Variants in WDFY2 observed in about 807,000 individuals in gnomAD.
WDFY2 encodes the protein WD repeat and FYVE domain-containing protein 2.
WDFY2 carries 36 observed loss-of-function variants against 56.4 expected under a neutral mutation model. The ratio of observed to expected loss-of-function variants is 0.64; its 90% CI spans 0.49 to 0.84. The LOEUF (loss-of-function observed/expected upper bound fraction) is 0.84. Ranked by LOEUF, WDFY2 falls within the 40% of genes least tolerant of loss-of-function variation. The pLI is 0.00. For synonymous variants in WDFY2, 176 were observed against 183.7 expected (o/e 0.96, Z 0.34); for missense variants, 444 against 512.2 (o/e 0.87, Z 1.29).
rs150082269 is a variant in WDFY2, at chr13:51,647,839, T to C, written c.138-12757T>C. 9.0e-3 allele frequency among the ~76,000 whole-genome samples: 1,364 copies of C among 152,148 alleles called. 20 individuals are homozygous for C. Among genetic ancestry groups the C allele is most frequent in the African/African-American group, 0.031 (1,303 of 41,476 alleles). Reference sequence around the variant, plus strand: ...GGTCCAATGTTGACTGAAACATTGTTATGCAGCCCATGACTATGTATGTGT... The same window carrying C: ...GGTCCAATGTTGACTGAAACATTGTCATGCAGCCCATGACTATGTATGTGT... On this transcript the variant is annotated intron_variant, in intron 1 of 11. Coordinates refer to ENST00000298125, the MANE Select transcript of WDFY2 (RefSeq NM_052950.4).
chr13:51,729,829 A>G (rs1952685100), intron 6 of WDFY2, among the ~76,000 whole-genome samples: 1 of 152,214 alleles, frequency 6.6e-6, no homozygotes, highest in Non-Finnish European at 1.5e-5. Context: ...TAAAATGTAT[A>G]AAACATAAAG....
At chr13:51,636,825 C>T (rs867429928) in intron 1 of WDFY2, among the ~76,000 whole-genome samples, 40 of 152,288 alleles carry the variant, frequency 2.6e-4, no homozygotes, top group Admixed American at 2.0e-4. Context: ...CAAAGGGCAA[C>T]GGCAACTCCG....
chr13:51,631,198 C>T (rs922971369), intron 1 of WDFY2, among the ~76,000 whole-genome samples: 8 of 151,288 alleles, frequency 5.3e-5, no homozygotes, highest in Non-Finnish European at 1.0e-4. Context: ...TCAAGACCAG[C>T]CTGGGCAAGA....
rs1415496271 is a variant in WDFY2, at chr13:51,653,019, C to T, written c.138-7577C>T. Among the ~76,000 whole-genome samples, 8 of 152,200 alleles carry T rather than the reference C, an allele frequency of 5.3e-5. No individual in the cohort carries two copies. The East Asian group carries it at 9.6e-4, about 18-fold the overall frequency. ...CAGTGTTTTCCAACTTGGTTCCATT[C>T]TCCCCGTCACTTTCAGGTACACCAA... On this transcript the variant is annotated intron_variant, in intron 1 of 11. Transcript: ENST00000298125.
At chr13:51,671,760 T>G (rs2138492224) in intron 2 of WDFY2, among the ~76,000 whole-genome samples, 1 of 151,472 alleles carries the variant, frequency 6.6e-6, no homozygotes, top group South Asian at 2.1e-4. Context: ...TATTTATCTT[T>G]GATTTGTTGC....
intron 3 of WDFY2, among the ~76,000 whole-genome samples, chr13:51,701,365 A>G (rs1951980621): frequency 6.6e-6 from 1 of 151,930 alleles, no homozygotes; most frequent in South Asian, 2.1e-4. Flanking sequence ...CACTAAAAAT[A>G]CAAAAATTAG....
chr13:51,660,608 T>G lies in WDFY2; in HGVS notation c.150T>G (p.Val50=), dbSNP rs764280795. The change falls in exon 2 of 12, where the codon GTT becomes GTG. Residue 50 remains valine (V), a synonymous_variant. Coordinates refer to ENST00000298125, the MANE Select transcript of WDFY2 (RefSeq NM_052950.4). ...ISVSEDRTVR[V]WLKRDSGQYW... Reference sequence around the variant, plus strand: ...TCTTCTGTTGTAGGACAGTTCGTGTTTGGTTAAAGAGAGACAGTGGACAGT... The same window carrying G: ...TCTTCTGTTGTAGGACAGTTCGTGTGTGGTTAAAGAGAGACAGTGGACAGT... The G allele has an allele frequency of 6.2e-7, 1 of 1,613,828 alleles. No individual in the cohort carries two copies. Among genetic ancestry groups the G allele is most frequent in the African/African-American group, 1.3e-5 (1 of 74,906 alleles).
rs9535755 is a variant in WDFY2 at position 51,765,007 on chromosome 13, C to T, written c.*5238C>T. On this transcript the variant is annotated 3_prime_UTR_variant, in exon 12 of 12. Transcript: ENST00000298125. ...CAGCTGCTGCCCTCCACTTCCTGCT[C>T]TTGCAAGTCACAGATGATTCCAGTA... The T allele has an allele frequency of 1.3e-5, 2 of 152,204 alleles. No homozygotes were observed. The highest frequency in any genetic ancestry group is 2.4e-5 in the African/African-American group (1 of 41,434). 9.4% of individuals were successfully genotyped at this position (152,204 alleles called of 1,614,324 possible).
intron 3 of WDFY2, among the ~76,000 whole-genome samples, chr13:51,697,458 C>G (rs550420583): frequency 1.3e-5 from 2 of 151,922 alleles, no homozygotes; most frequent in Non-Finnish European, 2.9e-5. Flanking sequence ...CGTGGTAAAA[C>G]GCCATCTCTA....
At chr13:51,726,214 A>C (rs1952601459) in intron 5 of WDFY2, among the ~76,000 whole-genome samples, 1 of 151,934 alleles carries the variant, frequency 6.6e-6, no homozygotes, top group Non-Finnish European at 1.5e-5. Flanking sequence ...ATAAACTCTC[A>C]TATGCGTTGG....
intron 7 of WDFY2, among the ~76,000 whole-genome samples, chr13:51,745,378 G>A (rs1347545450): frequency 2.0e-5 from 3 of 152,178 alleles, no homozygotes; most frequent in Non-Finnish European, 4.4e-5. Flanking sequence ...AAAATCCAAA[G>A]AGTAGACACA....
At chr13:51,708,161 C>T (rs953890073) in intron 4 of WDFY2, among the ~76,000 whole-genome samples, 33 of 151,368 alleles carry the variant, frequency 2.2e-4, no homozygotes, top group Admixed American at 1.1e-3. Flanking sequence ...GGATTACAGG[C>T]GTGAGCCACC....
intron 4 of WDFY2, among the ~76,000 whole-genome samples, chr13:51,707,911 A>G (rs562848749): frequency 1.3e-5 from 2 of 149,794 alleles, no homozygotes; most frequent in African/African-American, 4.9e-5. Context: ...TGGTAAGTTA[A>G]AGATATATAC....
chr13:51,641,818 T>A (rs1955169283), intron 1 of WDFY2, among the ~76,000 whole-genome samples: 2 of 94,346 alleles, frequency 2.1e-5, no homozygotes, highest in Non-Finnish European at 3.7e-5. Context: ...AGAGCGAGAC[T>A]CCGTCTCAAA....
At position 51,759,996 on chromosome 13, in the gene WDFY2, C is replaced by T; in HGVS notation, c.*227C>T. 1 of 494,268 alleles carries T rather than the reference C, an allele frequency of 2.0e-6. No homozygotes were observed. The highest frequency in any genetic ancestry group is 3.6e-6 in the Non-Finnish European group (1 of 274,882). 30.6% of individuals were successfully genotyped at this position (494,268 alleles called of 1,614,324 possible). A position where few individuals can be genotyped will look rare whatever the true frequency, so the allele number is the denominator to read the frequency against. ...AATATAAAAGAAGCTATTTTTTTAA[C>T]AAATGGTTTATACAGTCTGGCTGTG... On this transcript the variant is annotated 3_prime_UTR_variant, in exon 12 of 12. Transcript: ENST00000298125.
At chr13:51,707,056 T>C (rs1414055276) in intron 4 of WDFY2, among the ~76,000 whole-genome samples, 1 of 152,180 alleles carries the variant, frequency 6.6e-6, no homozygotes, top group African/African-American at 2.4e-5. Context: ...TAGGAAAATA[T>C]AGTCATTGAA....
chr13:51,751,082 G>C (rs1268390133), intron 7 of WDFY2, among the ~76,000 whole-genome samples: 2 of 152,028 alleles, frequency 1.3e-5, no homozygotes, highest in African/African-American at 4.8e-5. Flanking sequence ...AGTTGTAACT[G>C]ACAGATTACC....
chr13:51,748,040 C>G (rs1222732184), intron 7 of WDFY2, among the ~76,000 whole-genome samples: 4 of 152,156 alleles, frequency 2.6e-5, no homozygotes, highest in Non-Finnish European at 5.9e-5. Context: ...AGGCCAGACT[C>G]TCTTACTCTC....
intron 7 of WDFY2, among the ~76,000 whole-genome samples, chr13:51,748,580 AT>A (rs1953156857): frequency 6.6e-6 from 1 of 152,200 alleles, no homozygotes. Context: ...ATTTTAAATA[AT>A]TTAAAATTCT....
Sources: allele counts gnomAD v4.1 joint callset (sites outside exome capture counted in the v4.1 genomes callset), GRCh38; gene constraint gnomAD v4.1.1; transcripts MANE v1.5; gene names NCBI Gene and HGNC (gene_info 2026-07-23, HGNC 2026-07-21).